PLEKHS1: variants seen among roughly 807,000 people sequenced by gnomAD.
PLEKHS1 encodes pleckstrin homology domain-containing family S member 1.
A neutral mutation model predicts 51.0 loss-of-function variants in PLEKHS1; 55 were observed. The ratio of observed to expected loss-of-function variants is 1.08; its 90% CI spans 0.87 to 1.35. The LOEUF is 1.35. Ranked by LOEUF, PLEKHS1 falls within the 40% of genes most tolerant of loss-of-function variation. The pLI is 0.00. For synonymous variants in PLEKHS1, 153 were observed against 144.8 expected, an observed-to-expected ratio of 1.06 and a Z score of -0.41; for missense variants, 398 against 423.0, an observed-to-expected ratio of 0.94 and a Z score of 0.52.
intron 11 of PLEKHS1, among the ~76,000 whole-genome samples, chr10:113,779,659 G>C (rs1178054058): frequency 6.6e-6 from 1 of 151,914 alleles, no homozygotes; most frequent in Non-Finnish European, 1.5e-5. Flanking sequence ...ACACTACTCT[G>C]ACCCAAAGAT....
intron 1 of PLEKHS1, among the ~76,000 whole-genome samples, chr10:113,754,235 GTCAAGGGCCTCTGCT>G (rs1244477004): frequency 6.6e-6 from 1 of 152,216 alleles, no homozygotes; most frequent in Non-Finnish European, 1.5e-5. Flanking sequence ...GGTCAGGAGG[GTCAAGGGCCTCTGCT>G]TCCTCCCCCA....
At chr10:113,780,617 A>G in exon 12 of PLEKHS1, 1 of 1,613,768 alleles carries the variant, frequency 6.2e-7, no homozygotes, top group Non-Finnish European at 8.5e-7. Context: ...AAAGCTTACC[A>G]TCGGCAGGAT....
intron 7 of PLEKHS1, 40 bp downstream of exon 7, chr10:113,769,940 G>C: frequency 6.9e-7 from 1 of 1,452,012 alleles, no homozygotes; most frequent in South Asian, 1.1e-5. Flanking sequence ...CCACACCTGG[G>C]AGGCAGCTAA....
chr10:113,782,236 T>A (rs538386485), exon 12 of PLEKHS1: 1 of 152,292 alleles, frequency 6.6e-6, no homozygotes, highest in East Asian at 1.9e-4. Context: ...TCTTTGTTTC[T>A]CCAAGTTTCA....
At chr10:113,775,959 T>G (rs1175926949) in intron 11 of PLEKHS1, 93 bp downstream of exon 11, 1 of 919,300 alleles carries the variant, frequency 1.1e-6, no homozygotes, top group South Asian at 2.1e-5. Context: ...TTGGCAACAC[T>G]GACTAGGTTT....
intron 11 of PLEKHS1, 68 bp downstream of exon 12, chr10:113,777,327 A>G (rs2134582619): frequency 1.2e-6 from 2 of 1,607,866 alleles, no homozygotes; most frequent in Non-Finnish European, 8.5e-7. Context: ...AGGGTCTTAG[A>G]TGGAGTCTGA....
chr10:113,756,197 C>G (rs1854102342), intron 2 of PLEKHS1, among the ~76,000 whole-genome samples: 1 of 152,084 alleles, frequency 6.6e-6, no homozygotes, highest in African/African-American at 2.4e-5. Context: ...AGTCATTGCC[C>G]TCAAAGAGTT....
At chr10:113,752,677 C>A (rs1254302596) in intron 1 of PLEKHS1, among the ~76,000 whole-genome samples, 1 of 152,164 alleles carries the variant, frequency 6.6e-6, no homozygotes. Context: ...AACCCAGATG[C>A]CAGAGCTAAC....
intron 5 of PLEKHS1, among the ~76,000 whole-genome samples, chr10:113,767,806 G>A (rs1348805451): frequency 6.6e-6 from 1 of 152,090 alleles, no homozygotes; most frequent in African/African-American, 2.4e-5. Flanking sequence ...TGTTCCAGGG[G>A]CCTCTCCTAA....
chr10:113,774,049 C>T (rs1844537628), intron 8 of PLEKHS1, among the ~76,000 whole-genome samples, 178 bp from the exon 9 acceptor site: 1 of 152,184 alleles, frequency 6.6e-6, no homozygotes, highest in African/African-American at 2.4e-5. Context: ...CCTCCAGAAG[C>T]TTTGCTGGTT....
At chr10:113,778,591 T>G (rs1405832628) in intron 11 of PLEKHS1, among the ~76,000 whole-genome samples, 2 of 151,834 alleles carry the variant, frequency 1.3e-5, no homozygotes, top group East Asian at 1.9e-4. Flanking sequence ...GAATGAGTTG[T>G]CTAAGATATA....
exon 7 of PLEKHS1, chr10:113,769,865 G>A: frequency 6.2e-7 from 1 of 1,613,888 alleles, no homozygotes; most frequent in African/African-American, 1.3e-5. Context: ...AGAGGCTGTT[G>A]GCTCCAGCTC....
At chr10:113,779,339 G>A (rs1267279350) in intron 11 of PLEKHS1, among the ~76,000 whole-genome samples, 5 of 152,130 alleles carry the variant, frequency 3.3e-5, no homozygotes, top group Non-Finnish European at 5.9e-5. Context: ...GGGAGGCGGA[G>A]GTGGGCAGAT....
In PLEKHS1 at chr10:113,776,118, C is replaced by T. The variant is rs138791962; in HGVS notation, c.1091+252C>T. 7.9e-5 allele frequency among the ~76,000 whole-genome samples: 12 copies of T among 152,252 alleles called. No individual in the cohort carries two copies. The East Asian group carries it at 2.3e-3, about 29-fold the overall frequency. On this transcript the variant is annotated intron_variant, in intron 11 of 11. Transcript: ENST00000361048. ...AAGTTCAGGAAGCAGCCATTTCTGACTCCTCTAAGGGAGGAAGAAGGGGCT... is the reference window on the plus strand; with the variant it reads ...AAGTTCAGGAAGCAGCCATTTCTGATTCCTCTAAGGGAGGAAGAAGGGGCT...
intron 1 of PLEKHS1, among the ~76,000 whole-genome samples, chr10:113,753,646 C>T (rs1853957092): frequency 6.6e-6 from 1 of 152,132 alleles, no homozygotes; most frequent in Admixed American, 6.6e-5. Flanking sequence ...GGGAGAAAAT[C>T]TTTCCCTAGG....
intron 11 of PLEKHS1, among the ~76,000 whole-genome samples, chr10:113,776,316 T>C (rs1272676260): frequency 3.3e-5 from 5 of 152,168 alleles, no homozygotes; most frequent in Non-Finnish European, 7.3e-5. Flanking sequence ...AAACTGCTAG[T>C]CACAGACACA....
At chr10:113,751,919 C>G (rs1462261942) in intron 1 of PLEKHS1, among the ~76,000 whole-genome samples, 158 bp downstream of exon 1, 1 of 152,156 alleles carries the variant, frequency 6.6e-6, no homozygotes, top group African/African-American at 2.4e-5. Flanking sequence ...CTAGGCTATA[C>G]TATAGTCAGA....
intron 2 of PLEKHS1, among the ~76,000 whole-genome samples, chr10:113,762,785 T>A (rs1844000264): frequency 6.6e-6 from 1 of 151,976 alleles, no homozygotes; most frequent in South Asian, 2.1e-4. Flanking sequence ...TATACTCTAT[T>A]GTCATTGAGT....
chr10:113,768,352 T>A (rs954095399), intron 5 of PLEKHS1, among the ~76,000 whole-genome samples: 3 of 152,128 alleles, frequency 2.0e-5, no homozygotes, highest in African/African-American at 7.2e-5. Context: ...AAAACCCTGA[T>A]CTGTTTCAGA....
Sources: allele counts gnomAD v4.1 joint callset (sites outside exome capture counted in the v4.1 genomes callset), GRCh38; gene constraint gnomAD v4.1.1; transcripts MANE v1.5; gene names NCBI Gene and HGNC (gene_info 2026-07-23, HGNC 2026-07-21).